SMG6: variants seen among roughly 807,000 people sequenced by gnomAD.
The protein encoded by SMG6 is SMG6 nonsense mediated mRNA decay factor.
SMG6 carries 66 observed loss-of-function variants against 142.2 expected under a neutral mutation model. The observed-to-expected ratio is 0.46, with a 90% CI of 0.38 to 0.57. The LOEUF is 0.57. SMG6 is among the 20% of genes least tolerant of loss of function. SMG6 has a pLI of 0.00. For missense variants in SMG6, 1,793 were observed against 1,832.0 expected, an observed-to-expected ratio of 0.98 and a Z score of 0.39; for synonymous variants, 779 against 702.4, an observed-to-expected ratio of 1.11 and a Z score of -1.72.
At chr17:2,210,972 C>T (rs1288399623) in intron 10 of SMG6, among the ~76,000 whole-genome samples, 1 of 151,604 alleles carries the variant, frequency 6.6e-6, no homozygotes, top group Admixed American at 6.6e-5. Flanking sequence ...AAGAGCATTC[C>T]CAAGGATCTC....
intron 13 of SMG6, among the ~76,000 whole-genome samples, chr17:2,109,900 T>C (rs930317308): frequency 6.6e-6 from 1 of 151,924 alleles, no homozygotes; most frequent in Admixed American, 6.6e-5. Context: ...AAGACCAACA[T>C]GGCAAAACTC....
intron 13 of SMG6, among the ~76,000 whole-genome samples, chr17:2,100,313 A>G (rs867382215): frequency 1.3e-5 from 2 of 152,112 alleles, no homozygotes; most frequent in Admixed American, 1.3e-4. Flanking sequence ...GTTCAAGTAC[A>G]GGAGTGAGCC....
chr17:2,283,534 C>T (rs1567746631), intron 7 of SMG6, 91 bp downstream of exon 7: 2 of 1,022,370 alleles, frequency 2.0e-6, no homozygotes, highest in Admixed American at 1.8e-5. Context: ...TCACTGGCTA[C>T]GATCCTGCCG....
chr17:2,128,831 AAAAG>A (rs1226994271), intron 13 of SMG6, among the ~76,000 whole-genome samples: 2 of 151,492 alleles, frequency 1.3e-5, no homozygotes, highest in Non-Finnish European at 2.9e-5. Context: ...AAAAAAAAAA[AAAAG>A]AGAGAGAGAG....
At chr17:2,207,974 C>G (rs991962188) in intron 10 of SMG6, among the ~76,000 whole-genome samples, 2 of 151,976 alleles carry the variant, frequency 1.3e-5, no homozygotes, top group Non-Finnish European at 2.9e-5. Context: ...TTAAAAGGGC[C>G]CCACACTTGC....
rs554894546 is a variant in SMG6 at position 2,072,632 on chromosome 17, C to CAT, written c.3682-3703_3682-3702dup. On this transcript the variant is annotated intron_variant, in intron 15 of 18. Transcript: ENST00000263073. The stretch of plus-strand genomic sequence containing the variant: ...TACCGCTGCAAGCTGAGACACTGAA[C>CAT]ATTACAAGTAACAGCAATTCAATGA... 3.3e-5 allele frequency among the ~76,000 whole-genome samples: 5 copies of CAT among 152,302 alleles called. No homozygotes were observed. In the East Asian group the frequency reaches 9.6e-4, roughly 29 times the overall value.
chr17:2,247,874 A>G (rs954368379), intron 8 of SMG6, among the ~76,000 whole-genome samples: 7 of 150,362 alleles, frequency 4.7e-5, no homozygotes, highest in Non-Finnish European at 8.9e-5. Flanking sequence ...CGGGTAGATC[A>G]TGAGGTCAGG....
chr17:2,296,811 T>A (rs1248115620), intron 4 of SMG6, among the ~76,000 whole-genome samples: 1 of 151,822 alleles, frequency 6.6e-6, no homozygotes, highest in Non-Finnish European at 1.5e-5. Flanking sequence ...CTGGGCAACA[T>A]GATGAAACCC....
chr17:2,284,158 T>C (rs2074853019), intron 6 of SMG6, among the ~76,000 whole-genome samples: 4 of 152,184 alleles, frequency 2.6e-5, no homozygotes, highest in Admixed American at 2.0e-4. Flanking sequence ...ATCCAGGAGT[T>C]GACTCGGAAA....
chr17:2,188,343 C>A, intron 11 of SMG6, 56 bp downstream of exon 11: 1 of 1,460,170 alleles, frequency 6.8e-7, no homozygotes, highest in Non-Finnish European at 9.6e-7. Context: ...ACTGTGAGGT[C>A]TGGACAAGGC....
chr17:2,187,858 G>T (rs2072039381), intron 11 of SMG6, among the ~76,000 whole-genome samples: 1 of 152,050 alleles, frequency 6.6e-6, no homozygotes, highest in East Asian at 1.9e-4. Flanking sequence ...GAAAAGAAAG[G>T]TGTAACCTTC....
intron 7 of SMG6, 139 bp from the exon 8 acceptor site, chr17:2,282,998 C>G (rs2074824451): frequency 1.4e-6 from 1 of 722,864 alleles, no homozygotes; most frequent in African/African-American, 1.8e-5. Flanking sequence ...TAGTGAAACC[C>G]TGTCTCTACT....
rs540544190 is a variant in SMG6, at chr17:2,240,081, G to A, written c.2724-3444C>T. 9 of 152,300 alleles carry A rather than the reference G, an allele frequency of 5.9e-5. No individual in the cohort carries two copies. In the East Asian group the frequency reaches 1.7e-3, roughly 29 times the overall value. 9.4% of individuals were successfully genotyped at this position (152,300 alleles called of 1,614,324 possible). The stretch of plus-strand genomic sequence containing the variant: ...TCTGTCAGGAGCCATATGGCACCCC[G>A]ACTGAGTACTTCTCCCGAATCCGAG... On this transcript the variant is annotated intron_variant, in intron 9 of 18. Coordinates refer to ENST00000263073, the MANE Select transcript of SMG6 (RefSeq NM_017575.5).
At chr17:2,205,156 C>T (rs190645842) in intron 10 of SMG6, among the ~76,000 whole-genome samples, 3 of 152,180 alleles carry the variant, frequency 2.0e-5, no homozygotes, top group African/African-American at 4.8e-5. Context: ...GCAACCTCCG[C>T]GTCCCAGGAT....
intron 12 of SMG6, among the ~76,000 whole-genome samples, chr17:2,174,578 A>G (rs2071602313): frequency 6.6e-6 from 1 of 152,124 alleles, no homozygotes; most frequent in South Asian, 2.1e-4. Flanking sequence ...TAATCACACA[A>G]CGGCACATAA....
At chr17:2,219,421 A>G (rs1379586935) in intron 10 of SMG6, among the ~76,000 whole-genome samples, 1 of 152,062 alleles carries the variant, frequency 6.6e-6, no homozygotes, top group Non-Finnish European at 1.5e-5. Context: ...TAAAATGCTT[A>G]ATGTCTACAG....
chr17:2,164,226 C>T (rs549029623), intron 13 of SMG6, among the ~76,000 whole-genome samples: 38 of 151,740 alleles, frequency 2.5e-4, no homozygotes, highest in Admixed American at 7.2e-4. Flanking sequence ...AGTTTGAGAC[C>T]AGCTTGGCCA....
intron 8 of SMG6, chr17:2,255,771 A>ATTAGAT: frequency 4.8e-6 from 1 of 207,578 alleles, no homozygotes; most frequent in Admixed American, 5.9e-5. Flanking sequence ...GAATAGAGAA[A>ATTAGAT]TTAGATTGTT....
chr17:2,211,801 T>C (rs1167435302), intron 10 of SMG6, among the ~76,000 whole-genome samples: 1 of 152,176 alleles, frequency 6.6e-6, no homozygotes, highest in African/African-American at 2.4e-5. Flanking sequence ...CTATGCCATA[T>C]TCTTCACTGA....
Sources: allele counts gnomAD v4.1 joint callset (sites outside exome capture counted in the v4.1 genomes callset), GRCh38; gene constraint gnomAD v4.1.1; transcripts MANE v1.5; gene names NCBI Gene and HGNC (gene_info 2026-07-23, HGNC 2026-07-21).